The following ADCY8 variants were observed in gnomAD, a reference collection of about 807,000 sequenced individuals.
ADCY8 encodes adenylate cyclase 8, also known as adenylate cyclase type 8.
ADCY8 carries 51 observed loss-of-function variants against 119.7 expected under a neutral mutation model. That is an observed-to-expected ratio of 0.43 (90% CI 0.34 to 0.54). ADCY8 has a LOEUF of 0.54. Among genes scored for constraint, ADCY8 ranks in the 20% least tolerant of loss-of-function variants. The pLI is 0.03. For missense variants in ADCY8, 1,383 were observed against 1,598.8 expected, an observed-to-expected ratio of 0.87 and a Z score of 2.30; for synonymous variants, 665 against 651.0, an observed-to-expected ratio of 1.02 and a Z score of -0.33.
chr8:130,890,114 G>A (rs1361923173), intron 7 of ADCY8, among the ~76,000 whole-genome samples: 2 of 151,468 alleles, frequency 1.3e-5, no homozygotes, highest in African/African-American at 4.8e-5. Flanking sequence ...ATGGATGAGT[G>A]GATAGACGAA....
chr8:130,873,257 T>C (rs934358885), intron 8 of ADCY8, among the ~76,000 whole-genome samples: 1 of 152,258 alleles, frequency 6.6e-6, no homozygotes, highest in African/African-American at 2.4e-5. Context: ...TTCTACAAGA[T>C]GTAGAAGATG....
Position 131,039,977 on chromosome 8 carries a change from G to T in ADCY8, c.357C>A (p.Ser119Arg). Reference sequence around the variant, plus strand: ...CCAGGTCGCCCCCGCCTCCGCTGCCGCTGGCACTGCCGCTCCCGCTGCGTT... The same window carrying T: ...CCAGGTCGCCCCCGCCTCCGCTGCCTCTGGCACTGCCGCTCCCGCTGCGTT... ...FPERSGSGSA[S>R]GSGGGGDLGF... The change falls in exon 1 of 18, where the codon AGC becomes AGA. Residue 119 changes from serine (S) to arginine (R), a missense_variant. Ser to Arg is a moderately radical substitution (Grantham distance 110). Coordinates refer to ENST00000286355, the MANE Select transcript of ADCY8 (RefSeq NM_001115.3). 1 of 1,579,434 alleles carries T rather than the reference G, an allele frequency of 6.3e-7. No individual in the cohort carries two copies.
chr8:130,823,045 G>A (rs558585262), intron 12 of ADCY8, among the ~76,000 whole-genome samples: 12 of 152,268 alleles, frequency 7.9e-5, no homozygotes, highest in African/African-American at 2.9e-4. Context: ...TCCTCCTTGT[G>A]ACTTCTTCCC....
intron 4 of ADCY8, among the ~76,000 whole-genome samples, chr8:130,942,394 C>G (rs764021633): frequency 1.2e-4 from 19 of 152,206 alleles, no homozygotes; most frequent in Admixed American, 1.1e-3. Context: ...GACTTACCTT[C>G]CTCATAACAC....
In ADCY8 at chr8:130,852,802, A is replaced by C. The variant is rs561726357; in HGVS notation, c.2211-2999T>G. Among the ~76,000 whole-genome samples, 4 of 152,074 alleles carry C rather than the reference A, an allele frequency of 2.6e-5. No individual in the cohort carries two copies. In the South Asian group the frequency reaches 8.3e-4, roughly 32 times the overall value. On this transcript the variant is annotated intron_variant, in intron 9 of 17. Coordinates refer to ENST00000286355, the MANE Select transcript of ADCY8 (RefSeq NM_001115.3). ...GCTGAACTATGTGCAGTCTGTCGCC[A>C]GTGCTATGCACTTTCTGCCTTATGG... is the stretch of plus-strand genomic sequence containing the variant.
At chr8:130,830,822 T>A (rs1171509839) in intron 12 of ADCY8, among the ~76,000 whole-genome samples, 1 of 152,214 alleles carries the variant, frequency 6.6e-6, no homozygotes, top group East Asian at 1.9e-4. Flanking sequence ...ATTAAAAACA[T>A]GCCCACTGAT....
intron 14 of ADCY8, among the ~76,000 whole-genome samples, chr8:130,808,405 A>T (rs553660378): frequency 1.3e-5 from 2 of 152,212 alleles, no homozygotes; most frequent in African/African-American, 4.8e-5. Flanking sequence ...GCCAACAACC[A>T]GTGTGCGTTT....
intron 2 of ADCY8, among the ~76,000 whole-genome samples, chr8:130,968,345 A>AT (rs1821825295): frequency 6.6e-6 from 1 of 151,956 alleles, no homozygotes; most frequent in East Asian, 1.9e-4. Context: ...AACTTTTGGT[A>AT]TTTTTTTAGT....
intron 1 of ADCY8, among the ~76,000 whole-genome samples, chr8:131,033,860 T>C (rs558750005): frequency 3.0e-4 from 45 of 151,688 alleles, no homozygotes; most frequent in Non-Finnish European, 6.2e-4. Context: ...CTTTTACAAG[T>C]AAGAGAGAAT....
chr8:130,783,832 C>A, intron 16 of ADCY8, 27 bp from the exon 17 acceptor site: 1 of 1,563,288 alleles, frequency 6.4e-7, no homozygotes, highest in Non-Finnish European at 8.8e-7. Context: ...GAGAAGAAAT[C>A]ATTTAATGCG....
At chr8:130,820,589 C>T (rs912529831) in intron 13 of ADCY8, among the ~76,000 whole-genome samples, 2 of 152,146 alleles carry the variant, frequency 1.3e-5, no homozygotes, top group East Asian at 3.9e-4. Flanking sequence ...TTTTCTTTCT[C>T]GAAGTCCCTA....
intron 7 of ADCY8, among the ~76,000 whole-genome samples, chr8:130,894,521 C>G (rs945437182): frequency 6.6e-6 from 1 of 152,064 alleles, no homozygotes; most frequent in Non-Finnish European, 1.5e-5. Flanking sequence ...CTAAAGGTAA[C>G]ATAAAAGTCA....
At chr8:130,999,370 C>T (rs1213412466) in intron 1 of ADCY8, among the ~76,000 whole-genome samples, 1 of 152,124 alleles carries the variant, frequency 6.6e-6, no homozygotes, top group Non-Finnish European at 1.5e-5. Context: ...AAAGGTTCTC[C>T]ATGAAGCTTG....
intron 5 of ADCY8, among the ~76,000 whole-genome samples, chr8:130,926,323 C>A (rs1053007115): frequency 2.1e-5 from 3 of 144,520 alleles, no homozygotes; most frequent in Admixed American, 1.4e-4. Flanking sequence ...AAAAAAAAAA[C>A]CTTTGGTTCT....
intron 11 of ADCY8, among the ~76,000 whole-genome samples, chr8:130,843,050 A>T (rs1360960155): frequency 6.6e-6 from 1 of 151,978 alleles, no homozygotes; most frequent in Non-Finnish European, 1.5e-5. Context: ...ATATTTTTGT[A>T]TTCCTATACA....
intron 4 of ADCY8, among the ~76,000 whole-genome samples, chr8:130,939,812 T>A (rs1434481756): frequency 9.9e-5 from 15 of 152,206 alleles, no homozygotes; most frequent in Admixed American, 9.8e-4. Flanking sequence ...TTCAACATGC[T>A]GCTCCTTATC....
chr8:130,853,234 T>C (rs1056552215), intron 9 of ADCY8, among the ~76,000 whole-genome samples: 9 of 152,212 alleles, frequency 5.9e-5, no homozygotes, highest in African/African-American at 2.2e-4. Context: ...ATCTACCCTA[T>C]GGGAGGAGGG....
rs959510755 is a variant in ADCY8 at position 130,853,583 on chromosome 8, T to G, written c.2211-3780A>C. Among the ~76,000 whole-genome samples, 142 of 14,650 alleles carry G rather than the reference T, an allele frequency of 9.7e-3. 1 individual carries two copies. Among genetic ancestry groups the G allele is most frequent in the Non-Finnish European group, 0.02 (66 of 3,276 alleles). The allele number at this position is 14,650 out of a possible 152,430, so 9.6% of individuals were successfully genotyped here. A position where few individuals can be genotyped will look rare whatever the true frequency, so the allele number is the denominator to read the frequency against. ...GGAAATTTGTAAAATTGATGTTTTTTTTTTTTTTTTTTCTCATTTAGCGAT... is the reference window on the plus strand; with the variant it reads ...GGAAATTTGTAAAATTGATGTTTTTGTTTTTTTTTTTTCTCATTTAGCGAT... On this transcript the variant is annotated intron_variant, in intron 9 of 17. Transcript: ENST00000286355.
chr8:131,039,997 T>A lies in ADCY8; in HGVS notation c.337A>T (p.Ser113Cys), dbSNP rs747127534. 1 of 1,567,748 alleles carries A rather than the reference T, an allele frequency of 6.4e-7. No individual in the cohort carries two copies. Among genetic ancestry groups the A allele is most frequent in the South Asian group, 1.2e-5 (1 of 86,266 alleles). ...TCGTKVFPER[S>C]GSGSASGSGG... The stretch of plus-strand genomic sequence containing the variant: ...CTGCCGCTGGCACTGCCGCTCCCGC[T>A]GCGTTCCGGGAAGACTTTGGTGCCG... The change falls in exon 1 of 18, where the codon AGC becomes TGC. Residue 113 changes from serine to cysteine, a missense_variant. Physicochemically the swap from Ser to Cys is moderately radical, Grantham distance 112. Coordinates refer to ENST00000286355, the MANE Select transcript of ADCY8 (RefSeq NM_001115.3).
Sources: gnomAD v4.1 joint callset for allele counts (sites outside exome capture counted in the v4.1 genomes callset) on GRCh38, gnomAD v4.1.1 for gene constraint, MANE v1.5 for transcripts, NCBI Gene and HGNC (gene_info 2026-07-23, HGNC 2026-07-21) for gene names.